Variants in PDS5A observed in about 807,000 individuals in gnomAD.
PDS5A encodes the protein PDS5 cohesin associated factor A, also known as sister chromatid cohesion protein PDS5 homolog A.
In PDS5A, 42 loss-of-function variants were observed where a neutral mutation model predicts 167.1. The ratio of observed to expected loss-of-function variants is 0.25; its 90% CI spans 0.20 to 0.33. The LOEUF (loss-of-function observed/expected upper bound fraction) is 0.33, where lower values mean the gene tolerates loss of function less well. PDS5A is among the 10% of genes least tolerant of loss of function. The probability of loss-of-function intolerance (pLI) is 1.00; values close to 1 mark genes in which losing one functional copy is unlikely to be tolerated. For synonymous variants in PDS5A, 553 were observed against 554.6 expected, an observed-to-expected ratio of 1.00 and a Z score of 0.04; for missense variants, 1,033 against 1,605.9, an observed-to-expected ratio of 0.64 and a Z score of 6.10.
At chr4:39,867,770 A>ACC (rs1286629718) in intron 22 of PDS5A, among the ~76,000 whole-genome samples, 2 of 119,606 alleles carry the variant, frequency 1.7e-5, no homozygotes, top group East Asian at 3.5e-4. Context: ...ACACACACAC[A>ACC]CACACCCCAC....
In PDS5A at chr4:39,824,115, A is replaced by G. The variant is rs1048035555; in HGVS notation, c.*1370T>C. The G allele has an allele frequency of 1.3e-5, 2 of 152,230 alleles. No individual in the cohort carries two copies. The highest frequency in any genetic ancestry group is 4.8e-5 in the African/African-American group (2 of 41,450). The allele number at this position is 152,230 out of a possible 1,614,324, so 9.4% of individuals were successfully genotyped here. A position where few individuals can be genotyped will look rare whatever the true frequency, so the allele number is the denominator to read the frequency against. ...GGGGCAGGATAGAACTCTGGACATG[A>G]GAAAAGACAAATTTCATGTTCCTCC... On this transcript the variant is annotated 3_prime_UTR_variant, in exon 33 of 33. Transcript: ENST00000303538.
chr4:39,849,694 C>T (rs1280081401), intron 26 of PDS5A, 42 bp from the exon 27 acceptor site: 6 of 1,458,352 alleles, frequency 4.1e-6, no homozygotes, highest in Admixed American at 1.9e-5. Context: ...TAGATAGATG[C>T]TTTAGCTTAA....
At chr4:39,843,965 C>A (rs560772673) in intron 30 of PDS5A, among the ~76,000 whole-genome samples, 1 of 150,984 alleles carries the variant, frequency 6.6e-6, no homozygotes, top group African/African-American at 2.4e-5. Context: ...GGGAAGATGA[C>A]GAAACTCCAT....
At chr4:39,920,465 ATACTG>A in intron 6 of PDS5A, 66 bp from the exon 7 acceptor site, 1 of 716,860 alleles carries the variant, frequency 1.4e-6, no homozygotes, top group Non-Finnish European at 2.4e-6. Context: ...TAACATTAGA[ATACTG>A]TAGTCTTCAA....
chr4:39,902,213 A>G, intron 13 of PDS5A, 134 bp downstream of exon 13: 1 of 538,620 alleles, frequency 1.9e-6, no homozygotes, highest in Non-Finnish European at 3.3e-6. Flanking sequence ...CATTTTGTCT[A>G]TAAATATTTA....
rs115964636 is a variant in PDS5A at position 39,950,209 on chromosome 4, G to A, written c.139-22045C>T. Among the ~76,000 whole-genome samples, 489 of 152,198 alleles carry A rather than the reference G, an allele frequency of 3.2e-3. 3 individuals are homozygous for A. Among genetic ancestry groups the A allele is most frequent in the African/African-American group, 0.011 (467 of 41,544 alleles). The stretch of plus-strand genomic sequence containing the variant: ...AGCCACCGCACCCAGCCAATTGTAC[G>A]TTTTAAATGGGTAAACTCTATGGTA... On this transcript the variant is annotated intron_variant, in intron 2 of 32. Transcript: ENST00000303538.
At chr4:39,935,748 A>G (rs956854927) in intron 2 of PDS5A, among the ~76,000 whole-genome samples, 1 of 152,236 alleles carries the variant, frequency 6.6e-6, no homozygotes, top group African/African-American at 2.4e-5. Flanking sequence ...AGATCTGAAC[A>G]GACTTAACAA....
chr4:39,837,706 T>C (rs902681035), intron 32 of PDS5A, 150 bp downstream of exon 32: 7 of 569,928 alleles, frequency 1.2e-5, no homozygotes, highest in African/African-American at 5.6e-5. Context: ...TATGAGATAA[T>C]AACAGATGCT....
intron 28 of PDS5A, chr4:39,846,576 A>T (rs1717624279): frequency 6.6e-6 from 1 of 152,220 alleles, no homozygotes; most frequent in South Asian, 2.1e-4. Context: ...TTAACAATAC[A>T]CGATTTAAAC....
intron 2 of PDS5A, among the ~76,000 whole-genome samples, chr4:39,965,959 T>A (rs1729931519): frequency 6.6e-6 from 1 of 152,204 alleles, no homozygotes; most frequent in Admixed American, 6.6e-5. Context: ...TATTTTACCA[T>A]AATGAAAATT....
intron 2 of PDS5A, among the ~76,000 whole-genome samples, chr4:39,963,228 G>T (rs1729660921): frequency 6.6e-6 from 1 of 152,098 alleles, no homozygotes; most frequent in South Asian, 2.1e-4. Context: ...GGCCGAGGCA[G>T]TTGGATCACC....
chr4:39,845,908 AAAG>A (rs1203549317), intron 28 of PDS5A, 28 bp from the exon 29 acceptor site: 6 of 1,320,462 alleles, frequency 4.5e-6, no homozygotes, highest in Non-Finnish European at 5.9e-6. Context: ...GAAAAAGAAA[AAAG>A]AAACACCAAT....
intron 2 of PDS5A, among the ~76,000 whole-genome samples, chr4:39,954,885 C>A (rs1041122732): frequency 6.6e-6 from 1 of 151,440 alleles, no homozygotes; most frequent in African/African-American, 2.4e-5. Context: ...ACAAACAATA[C>A]AAAAATTAGC....
intron 7 of PDS5A, among the ~76,000 whole-genome samples, chr4:39,918,951 TAC>T (rs909246363): frequency 6.6e-6 from 1 of 152,192 alleles, no homozygotes; most frequent in African/African-American, 2.4e-5. Context: ...AATATATGCA[TAC>T]ACACACACAA....
At chr4:39,853,481 A>G (rs1484081385) in intron 26 of PDS5A, among the ~76,000 whole-genome samples, 4 of 152,080 alleles carry the variant, frequency 2.6e-5, no homozygotes, top group Non-Finnish European at 5.9e-5. Flanking sequence ...TACTCTACTC[A>G]TATCTAATTC....
chr4:39,974,486 G>T (rs1730881923), intron 2 of PDS5A: 1 of 272,030 alleles, frequency 3.7e-6, no homozygotes, highest in South Asian at 3.6e-5. Context: ...ACTTTTAGAA[G>T]CATCAATCAA....
At chr4:39,858,398 AG>A (rs1718708661) in intron 26 of PDS5A, among the ~76,000 whole-genome samples, 1 of 152,242 alleles carries the variant, frequency 6.6e-6, no homozygotes, top group Non-Finnish European at 1.5e-5. Context: ...AGAGCCCAGA[AG>A]TAAGCCCTTG....
chr4:39,928,470 C>T (rs1232968812), intron 2 of PDS5A, among the ~76,000 whole-genome samples: 2 of 151,984 alleles, frequency 1.3e-5, no homozygotes, highest in Non-Finnish European at 2.9e-5. Flanking sequence ...AGTTCCTGGC[C>T]CCATATGGAC....
At chr4:39,837,354 C>G (rs562413678) in intron 32 of PDS5A, 2 of 153,470 alleles carry the variant, frequency 1.3e-5, no homozygotes, top group African/African-American at 4.8e-5. Flanking sequence ...AATCTCAGCA[C>G]AAGAATGATC....
Sources: allele counts gnomAD v4.1 joint callset (sites outside exome capture counted in the v4.1 genomes callset), GRCh38; gene constraint gnomAD v4.1.1; transcripts MANE v1.5; gene names NCBI Gene and HGNC (gene_info 2026-07-23, HGNC 2026-07-21).